Variants in MAF observed in about 807,000 individuals in gnomAD.
MAF encodes MAF bZIP transcription factor.
Under a neutral mutation model 22.0 loss-of-function variants are expected in MAF, and 10 were observed. The observed-to-expected ratio is 0.45, with a 90% CI of 0.28 to 0.77. The LOEUF (loss-of-function observed/expected upper bound fraction) is 0.77, where lower values mean the gene tolerates loss of function less well. MAF is among the 30% of genes least tolerant of loss of function. The probability of loss-of-function intolerance (pLI) is 0.12; values close to 1 mark genes in which losing one functional copy is unlikely to be tolerated. For synonymous variants in MAF, 337 were observed against 255.8 expected, an observed-to-expected ratio of 1.32 and a Z score of -3.03; for missense variants, 544 against 548.4, an observed-to-expected ratio of 0.99 and a Z score of 0.08.
the MAF span, among the ~76,000 whole-genome samples, chr16:79,447,449 C>T: frequency 2.0e-5 from 3 of 152,196 alleles, no homozygotes; most frequent in East Asian, 3.9e-4. Context: ...TTCATGCCTG[C>T]TAACAGAATA....
chr16:79,499,809 G>C, the MAF span, among the ~76,000 whole-genome samples: 2 of 152,124 alleles, frequency 1.3e-5, no homozygotes, highest in Admixed American at 1.3e-4. Context: ...AAAAGACAAA[G>C]ACACTTCCCC....
chr16:79,528,125 G>A, the MAF span, among the ~76,000 whole-genome samples: 1 of 152,134 alleles, frequency 6.6e-6, no homozygotes, highest in African/African-American at 2.4e-5. Flanking sequence ...CTGGGCAACA[G>A]AGCGTGACTC....
chr16:79,497,807 C>A, the MAF span, among the ~76,000 whole-genome samples: 10 of 152,228 alleles, frequency 6.6e-5, no homozygotes, highest in Non-Finnish European at 1.0e-4. Context: ...TTTTTCCCAG[C>A]AAATGAGAGA....
At chr16:79,281,397 A>C in the MAF span, among the ~76,000 whole-genome samples, 5 of 152,268 alleles carry the variant, frequency 3.3e-5, no homozygotes, top group East Asian at 9.6e-4. Flanking sequence ...ACAAATAAAA[A>C]AGAGAGCCAT....
At chr16:79,290,982 A>C in the MAF span, among the ~76,000 whole-genome samples, 1 of 152,120 alleles carries the variant, frequency 6.6e-6, no homozygotes, top group Non-Finnish European at 1.5e-5. Context: ...TCACAATGAC[A>C]ATCGAGGACC....
At chr16:79,354,374 A>C in the MAF span, among the ~76,000 whole-genome samples, 15 of 152,130 alleles carry the variant, frequency 9.9e-5, no homozygotes, top group Non-Finnish European at 1.9e-4. Flanking sequence ...AATAGGAAGA[A>C]ACCTAGTTCC....
At chr16:79,240,042 A>G in the MAF span, among the ~76,000 whole-genome samples, 7 of 152,080 alleles carry the variant, frequency 4.6e-5, no homozygotes, top group South Asian at 1.5e-3. Context: ...AGGTGGGCAC[A>G]TGGCTTCCCT....
the MAF span, among the ~76,000 whole-genome samples, chr16:79,478,994 T>C: frequency 1.3e-5 from 2 of 152,016 alleles, no homozygotes; most frequent in Non-Finnish European, 2.9e-5. Context: ...CATACCTGTA[T>C]AGCATCCTAG....
chr16:79,595,832 A>G, intron 1 of MAF: 1 of 1,058,390 alleles, frequency 9.4e-7, no homozygotes, highest in East Asian at 5.2e-5. Context: ...TGATTTGATA[A>G]CATAGTTTAA....
the MAF span, among the ~76,000 whole-genome samples, chr16:79,254,739 C>T: frequency 6.6e-6 from 1 of 152,178 alleles, no homozygotes; most frequent in Admixed American, 6.5e-5. Flanking sequence ...GTCACCTTTA[C>T]ACCAAACCAT....
At chr16:79,324,948 T>A in the MAF span, among the ~76,000 whole-genome samples, 34 of 152,260 alleles carry the variant, frequency 2.2e-4, no homozygotes, top group Non-Finnish European at 1.0e-4. Flanking sequence ...TTTCTGGCAA[T>A]CATTGGTGCT....
chr16:79,357,185 G>A, the MAF span, among the ~76,000 whole-genome samples: 1 of 151,914 alleles, frequency 6.6e-6, no homozygotes, highest in Non-Finnish European at 1.5e-5. Context: ...GAACTTGGGA[G>A]CCAGAGGTTG....
chr16:79,458,150 T>C, the MAF span, among the ~76,000 whole-genome samples: 4 of 47,056 alleles, frequency 8.5e-5, no homozygotes, highest in Admixed American at 9.8e-4. Flanking sequence ...GTGTGTGTCT[T>C]TGCTGTGTGA....
At chr16:79,383,940 G>C in the MAF span, among the ~76,000 whole-genome samples, 1 of 152,178 alleles carries the variant, frequency 6.6e-6, no homozygotes, top group Non-Finnish European at 1.5e-5. Flanking sequence ...GATACAAAAA[G>C]TCCTGCCTGA....
At chr16:79,500,202 T>C in the MAF span, among the ~76,000 whole-genome samples, 2 of 152,192 alleles carry the variant, frequency 1.3e-5, no homozygotes, top group Non-Finnish European at 2.9e-5. Flanking sequence ...TTGTAGTATT[T>C]TGTTACAACA....
chr16:79,260,299 C>T, the MAF span, among the ~76,000 whole-genome samples: 2 of 152,046 alleles, frequency 1.3e-5, no homozygotes, highest in Non-Finnish European at 2.9e-5. Flanking sequence ...GAAAGGTGTG[C>T]ACCACCACAC....
chr16:79,396,099 T>C, the MAF span, among the ~76,000 whole-genome samples: 4 of 152,202 alleles, frequency 2.6e-5, no homozygotes, highest in Non-Finnish European at 5.9e-5. Flanking sequence ...AAATCCCTTA[T>C]GCGTAGAGGA....
At chr16:79,384,358 T>G in the MAF span, among the ~76,000 whole-genome samples, 1 of 148,978 alleles carries the variant, frequency 6.7e-6, no homozygotes, top group Non-Finnish European at 1.5e-5. Context: ...GGCAGGAGAA[T>G]CGCCTGAACC....
the MAF span, among the ~76,000 whole-genome samples, chr16:79,311,688 C>G: frequency 6.6e-6 from 1 of 152,122 alleles, no homozygotes; most frequent in Non-Finnish European, 1.5e-5. Flanking sequence ...TTTCACTCCA[C>G]AGACTCAATT....
Sources: allele counts gnomAD v4.1 joint callset (sites outside exome capture counted in the v4.1 genomes callset), GRCh38; gene constraint gnomAD v4.1.1; transcripts MANE v1.5; gene names NCBI Gene and HGNC (gene_info 2026-07-23, HGNC 2026-07-21).